GPAT3: variants seen among roughly 807,000 people sequenced by gnomAD.
GPAT3 encodes 1-AGP acyltransferase 9.
GPAT3 carries 53 observed loss-of-function variants against 58.8 expected under a neutral mutation model. The observed-to-expected ratio is 0.90, with a 90% confidence interval of 0.72 to 1.13. The LOEUF (loss-of-function observed/expected upper bound fraction) is 1.13, where lower values mean the gene tolerates loss of function less well. Among genes scored for constraint, GPAT3 ranks in the 50% most tolerant of loss-of-function variants. GPAT3 has a pLI of 0.00. For missense variants in GPAT3, 511 were observed against 527.6 expected, an observed-to-expected ratio of 0.97 and a Z score of 0.31; for synonymous variants, 197 against 187.4, an observed-to-expected ratio of 1.05 and a Z score of -0.42.
At chr4:83,548,990 AC>A (rs147619699) in intron 2 of GPAT3, among the ~76,000 whole-genome samples, 12,703 of 152,168 alleles carry the variant, frequency 0.083, 591 homozygotes, top group Middle Eastern at 0.1. Context: ...GATTATATGA[AC>A]ATTAATAAAA....
At chr4:83,593,233 C>T (rs534297338) in intron 6 of GPAT3, among the ~76,000 whole-genome samples, 5 of 138,340 alleles carry the variant, frequency 3.6e-5, no homozygotes, top group African/African-American at 8.0e-5. Flanking sequence ...GGTATGATCT[C>T]GGCTCACTGC....
intron 5 of GPAT3, among the ~76,000 whole-genome samples, chr4:83,589,257 T>C (rs1441509101): frequency 6.6e-6 from 1 of 152,224 alleles, no homozygotes; most frequent in Non-Finnish European, 1.5e-5. Context: ...AATAATTGTG[T>C]ATTTGGTTCT....
chr4:83,535,698 G>A (rs1724050683), upstream of GPAT3: 2 of 985,360 alleles, frequency 2.0e-6, no homozygotes, highest in Non-Finnish European at 1.2e-6. Flanking sequence ...TCCTACTCTC[G>A]GGATAAGCAA....
chr4:83,551,414 C>T (rs545006418), intron 2 of GPAT3, among the ~76,000 whole-genome samples: 8 of 152,028 alleles, frequency 5.3e-5, no homozygotes, highest in South Asian at 2.1e-4. Flanking sequence ...CAGTATATTG[C>T]GCCTGGCTGG....
In GPAT3 at chr4:83,549,229, T is replaced by A. The variant is rs191776289; in HGVS notation, c.208+4627T>A. On this transcript the variant is annotated intron_variant, in intron 2 of 11. Coordinates refer to ENST00000264409, the MANE Select transcript of GPAT3 (RefSeq NM_032717.5). The stretch of plus-strand genomic sequence containing the variant: ...TACTTATTTTGTTTTGGACAGGCCA[T>A]TTTTGATAGTTTAAATTAGCTAACT... 2.5e-4 allele frequency among the ~76,000 whole-genome samples: 38 copies of A among 151,508 alleles called. No individual in the cohort carries two copies. In the East Asian group the frequency reaches 7.4e-3, roughly 29 times the overall value.
intron 3 of GPAT3, among the ~76,000 whole-genome samples, chr4:83,583,911 G>A (rs1298358653): frequency 6.6e-6 from 1 of 151,734 alleles, no homozygotes; most frequent in Non-Finnish European, 1.5e-5. Context: ...GGGAGGCGGA[G>A]GTTGCAGTGA....
At chr4:83,548,220 T>C (rs1003095808) in intron 2 of GPAT3, among the ~76,000 whole-genome samples, 1 of 152,216 alleles carries the variant, frequency 6.6e-6, no homozygotes, top group East Asian at 1.9e-4. Context: ...AGCTGTGCTT[T>C]GGTTGCTCCA....
chr4:83,556,408 G>T (rs908589744), intron 2 of GPAT3, among the ~76,000 whole-genome samples: 4 of 151,806 alleles, frequency 2.6e-5, no homozygotes, highest in African/African-American at 4.8e-5. Context: ...TTAGGTATGA[G>T]AATCACTTCA....
intron 2 of GPAT3, among the ~76,000 whole-genome samples, chr4:83,570,117 C>T (rs1349804104): frequency 6.6e-6 from 1 of 152,074 alleles, no homozygotes; most frequent in Admixed American, 6.6e-5. Context: ...TTGGTTAGAG[C>T]GATGTGAAAC....
chr4:83,591,012 T>G (rs1443056090), intron 6 of GPAT3, among the ~76,000 whole-genome samples: 2 of 151,554 alleles, frequency 1.3e-5, no homozygotes, highest in African/African-American at 4.8e-5. Context: ...GGTAGTTAAA[T>G]ATGCCTTCAG....
intron 2 of GPAT3, among the ~76,000 whole-genome samples, chr4:83,551,048 C>T (rs1724730334): frequency 6.6e-6 from 1 of 152,068 alleles, no homozygotes; most frequent in Non-Finnish European, 1.5e-5. Flanking sequence ...AGTTAAAGAC[C>T]AGAAAATTAC....
chr4:83,585,216 CA>C, intron 3 of GPAT3, among the ~76,000 whole-genome samples: 1 of 151,812 alleles, frequency 6.6e-6, no homozygotes, highest in Non-Finnish European at 1.5e-5. Flanking sequence ...CCTTATTTAT[CA>C]AGGTATTTAT....
Position 83,598,548 on chromosome 4 carries a change from A to C in GPAT3, c.1126-96A>C. ...TAGAAAGCATTTGAGCTGAAATATG[A>C]ATCTTATATTTTAAAACAAATACAA... On this transcript the variant is annotated intron_variant, in intron 10 of 11. Transcript: ENST00000264409. 3 of 1,054,460 alleles carry C rather than the reference A, an allele frequency of 2.8e-6. No homozygotes were observed. The South Asian group carries it at 4.1e-5, about 14-fold the overall frequency. The allele number at this position is 1,054,460 out of a possible 1,614,324, so 65.3% of individuals were successfully genotyped here.
At chr4:83,591,617 A>T (rs1374977904) in intron 6 of GPAT3, among the ~76,000 whole-genome samples, 1 of 152,202 alleles carries the variant, frequency 6.6e-6, no homozygotes, top group African/African-American at 2.4e-5. Flanking sequence ...CCTAAAGACC[A>T]TCCAAGGACC....
At chr4:83,545,558 C>T (rs571241414) in intron 2 of GPAT3, among the ~76,000 whole-genome samples, 5 of 151,878 alleles carry the variant, frequency 3.3e-5, no homozygotes, top group African/African-American at 9.7e-5. Flanking sequence ...TTGGAAATAA[C>T]AAAATATTTG....
intron 2 of GPAT3, among the ~76,000 whole-genome samples, chr4:83,567,145 C>T (rs1471299576): frequency 6.6e-6 from 1 of 151,302 alleles, no homozygotes; most frequent in Non-Finnish European, 1.5e-5. Flanking sequence ...GTTTGTACTT[C>T]ATTTTTTTTC....
chr4:83,557,320 A>C (rs1362215953), intron 2 of GPAT3, among the ~76,000 whole-genome samples: 1 of 152,196 alleles, frequency 6.6e-6, no homozygotes, highest in Non-Finnish European at 1.5e-5. Flanking sequence ...TTTTGATTCT[A>C]TTCTAATCCC....
In GPAT3 at chr4:83,604,819, G is replaced by A; in HGVS notation, c.*52G>A. The A allele has an allele frequency of 7.2e-7, 1 of 1,383,478 alleles. No homozygotes were observed. Among genetic ancestry groups the A allele is most frequent in the Non-Finnish European group, 9.9e-7 (1 of 1,010,504 alleles). 85.7% of individuals were successfully genotyped at this position (1,383,478 alleles called of 1,614,324 possible). On this transcript the variant is annotated 3_prime_UTR_variant, in exon 12 of 12. Coordinates refer to ENST00000264409, the MANE Select transcript of GPAT3 (RefSeq NM_032717.5). ...AGAACTAGCCCTTAGAAATGGAATG[G>A]CTTTTTTTGTTTTGTTTTGTTTTAT...
At chr4:83,584,222 A>G (rs1726280736) in intron 3 of GPAT3, among the ~76,000 whole-genome samples, 1 of 152,242 alleles carries the variant, frequency 6.6e-6, no homozygotes, top group African/African-American at 2.4e-5. Flanking sequence ...ATTTTTGCAA[A>G]GAAACTATGA....
Sources: allele counts gnomAD v4.1 joint callset (sites outside exome capture counted in the v4.1 genomes callset), GRCh38; gene constraint gnomAD v4.1.1; transcripts MANE v1.5; gene names NCBI Gene and HGNC (gene_info 2026-07-23, HGNC 2026-07-21).